The following ZFHX4 variants were observed in gnomAD, a reference collection of about 807,000 sequenced individuals.
The protein encoded by ZFHX4 is zinc finger homeobox 4, also known as zinc finger homeobox protein 4.
In ZFHX4, 56 loss-of-function variants were observed where a neutral mutation model predicts 267.6. The ratio of observed to expected loss-of-function variants is 0.21; its 90% confidence interval spans 0.17 to 0.26. The LOEUF (loss-of-function observed/expected upper bound fraction) is 0.26, where lower values mean the gene tolerates loss of function less well. Ranked by LOEUF, ZFHX4 falls within the 10% of genes least tolerant of loss-of-function variation. The probability of loss-of-function intolerance (pLI) is 1.00; values close to 1 mark genes in which losing one functional copy is unlikely to be tolerated. For synonymous variants in ZFHX4, 1,778 were observed against 1,665.6 expected, an observed-to-expected ratio of 1.07 and a Z score of -1.64; for missense variants, 4,332 against 4,420.0, an observed-to-expected ratio of 0.98 and a Z score of 0.56.
chr8:76,714,135 A>G (rs1284202985), intron 3 of ZFHX4, among the ~76,000 whole-genome samples: 1 of 152,194 alleles, frequency 6.6e-6, no homozygotes, highest in Non-Finnish European at 1.5e-5. Flanking sequence ...TCATTTAGGT[A>G]ATGCAGACAA....
intron 6 of ZFHX4, among the ~76,000 whole-genome samples, chr8:76,846,985 T>C (rs902587426): frequency 2.6e-5 from 4 of 152,156 alleles, no homozygotes; most frequent in African/African-American, 9.7e-5. Flanking sequence ...TAAGGGGATA[T>C]GACAGAGTAT....
chr8:76,833,547 G>T, intron 5 of ZFHX4, 141 bp downstream of exon 5: 1 of 611,368 alleles, frequency 1.6e-6, no homozygotes, highest in Non-Finnish European at 2.8e-6. Flanking sequence ...TAAGTAAAAA[G>T]CAAAATGAAA....
intron 3 of ZFHX4, among the ~76,000 whole-genome samples, chr8:76,725,218 T>C (rs1415361451): frequency 1.3e-5 from 2 of 152,056 alleles, no homozygotes; most frequent in East Asian, 3.9e-4. Flanking sequence ...CAAATAAATA[T>C]GGTACACAAT....
chr8:76,763,684 AT>A (rs1809976894), intron 3 of ZFHX4, among the ~76,000 whole-genome samples: 1 of 152,198 alleles, frequency 6.6e-6, no homozygotes, highest in Admixed American at 6.5e-5. Flanking sequence ...ATGGTTGTAA[AT>A]AAGCCTTTTT....
intron 5 of ZFHX4, among the ~76,000 whole-genome samples, chr8:76,837,510 A>G (rs767610441): frequency 1.3e-5 from 2 of 151,674 alleles, no homozygotes; most frequent in Non-Finnish European, 2.9e-5. Context: ...AAAAAAAACC[A>G]AAGCCAGACT....
chr8:76,743,688 A>G (rs1809381333), intron 3 of ZFHX4, among the ~76,000 whole-genome samples: 1 of 152,214 alleles, frequency 6.6e-6, no homozygotes, highest in South Asian at 2.1e-4. Flanking sequence ...TTCAGCAGTC[A>G]TTAGAAAGAT....
chr8:76,697,508 T>C (rs994977492), intron 1 of ZFHX4, among the ~76,000 whole-genome samples: 3 of 152,032 alleles, frequency 2.0e-5, no homozygotes, highest in Non-Finnish European at 4.4e-5. Context: ...CAATATAACA[T>C]ATGAAAAACA....
chr8:76,714,477 T>C (rs1356738039), intron 3 of ZFHX4, among the ~76,000 whole-genome samples: 1 of 152,126 alleles, frequency 6.6e-6, no homozygotes, highest in Non-Finnish European at 1.5e-5. Flanking sequence ...ATCAGCCTAT[T>C]CCAGGAGAGC....
At chr8:76,814,751 G>A (rs17437952) in intron 4 of ZFHX4, among the ~76,000 whole-genome samples, 5,757 of 152,144 alleles carry the variant, frequency 0.038, 116 homozygotes, top group Non-Finnish European at 0.043. Flanking sequence ...TGCCTGCGTG[G>A]ACAAACCTCC....
At chr8:76,701,211 A>C (rs994160672) in intron 1 of ZFHX4, among the ~76,000 whole-genome samples, 1 of 152,134 alleles carries the variant, frequency 6.6e-6, no homozygotes, top group African/African-American at 2.4e-5. Flanking sequence ...ACAAAATAAA[A>C]ATTTTAAAAT....
rs537683381 is a variant in ZFHX4 at position 76,863,000 on chromosome 8, T to G, written c.9380-94T>G. On this transcript the variant is annotated intron_variant, in intron 10 of 10. Coordinates refer to ENST00000651372, the MANE Select transcript of ZFHX4 (RefSeq NM_024721.5). ...TAATACATCTTTTCTGATATAGCAA[T>G]GTCCTTAGTGAGTTCTATTTAGGTG... The G allele has an allele frequency of 8.4e-6, 12 of 1,422,052 alleles. No individual in the cohort carries two copies. The East Asian group carries it at 1.0e-4, about 12-fold the overall frequency. 88.1% of individuals were successfully genotyped at this position (1,422,052 alleles called of 1,614,324 possible).
In ZFHX4 at chr8:76,864,364, G is replaced by T; in HGVS notation, c.10650G>T (p.Leu3550Phe). The T allele has an allele frequency of 1.9e-6, 3 of 1,613,526 alleles. No homozygotes were observed. The highest frequency in any genetic ancestry group is 2.2e-5 in the South Asian group (2 of 91,072). ...SPPSSPPSLS[L>F]PSTVTSSLCS... Reference sequence around the variant, plus strand: ...CTTCTTCTCCTCCTTCCCTTTCCTTGCCTTCAACGGTTACCTCAAGTTTGT... The same window carrying T: ...CTTCTTCTCCTCCTTCCCTTTCCTTTCCTTCAACGGTTACCTCAAGTTTGT... The change falls in exon 11 of 11, where the codon TTG becomes TTT. Residue 3550 changes from leucine (L) to phenylalanine (F), a missense_variant. This residue lies in a region of ZFHX4 where 1,648 missense variants were observed against 1,625.0 expected (regional missense o/e 1.01). Coordinates refer to ENST00000651372, the MANE Select transcript of ZFHX4 (RefSeq NM_024721.5).
At chr8:76,724,154 T>C (rs112841375) in intron 3 of ZFHX4, among the ~76,000 whole-genome samples, 1 of 152,208 alleles carries the variant, frequency 6.6e-6, no homozygotes, top group Non-Finnish European at 1.5e-5. Context: ...TTGTAAGTTT[T>C]AAAACATCCT....
intron 4 of ZFHX4, among the ~76,000 whole-genome samples, chr8:76,813,156 T>C (rs1447119779): frequency 6.6e-6 from 1 of 152,154 alleles, no homozygotes; most frequent in Non-Finnish European, 1.5e-5. Flanking sequence ...AAGAAAATCT[T>C]GACTTTGGGA....
At chr8:76,715,496 A>G (rs1315188526) in intron 3 of ZFHX4, among the ~76,000 whole-genome samples, 1 of 150,688 alleles carries the variant, frequency 6.6e-6, no homozygotes. Flanking sequence ...AAAAAAAAAA[A>G]AAAAAAAAAA....
rs113432144 is a variant in ZFHX4, at chr8:76,772,565, G to A, written c.3094-5643G>A. ...GACTCCCAGGAGTCATATTTTGACT[G>A]TATTTTGACTCCCAGGAAGGCAAGG... On this transcript the variant is annotated intron_variant, in intron 3 of 10. Transcript: ENST00000651372. 8.5e-3 allele frequency among the ~76,000 whole-genome samples: 1,288 copies of A among 152,126 alleles called. 21 individuals carry two copies. Among genetic ancestry groups the A allele is most frequent in the African/African-American group, 0.03 (1,227 of 41,490 alleles).
Position 76,855,216 on chromosome 8 carries a change from G to T in ZFHX4, c.8295G>T (p.Lys2765Asn), listed in dbSNP as rs781655468. The change falls in exon 10 of 11, where the codon AAG becomes AAT. Residue 2765 changes from lysine (K) to asparagine (N), a missense_variant. Around this residue, in one of 7 missense-constraint regions of ZFHX4, gnomAD observed 1,648 missense variants for 1,625.0 expected, o/e 1.01. Coordinates refer to ENST00000651372, the MANE Select transcript of ZFHX4 (RefSeq NM_024721.5). ...GTAAAACAGCAGAGCTGTCACCGAA[G>T]AATCTTTTAAGCCCTTCTTCTTTTA... ...PVSKTAELSP[K>N]NLLSPSSFKA... The T allele has an allele frequency of 5.6e-6, 9 of 1,612,592 alleles. No homozygotes were observed.
At chr8:76,738,266 G>C in intron 3 of ZFHX4, among the ~76,000 whole-genome samples, 1 of 152,104 alleles carries the variant, frequency 6.6e-6, no homozygotes, top group East Asian at 1.9e-4. Context: ...TGAATGTGTC[G>C]TCTGATGGTG....
At chr8:76,777,509 A>G (rs916379291) in intron 3 of ZFHX4, among the ~76,000 whole-genome samples, 4 of 152,230 alleles carry the variant, frequency 2.6e-5, no homozygotes, top group Middle Eastern at 3.2e-3. Flanking sequence ...TAATTAAGAG[A>G]AACATTTTTG....
Sources: allele counts gnomAD v4.1 joint callset (sites outside exome capture counted in the v4.1 genomes callset), GRCh38; gene constraint gnomAD v4.1.1; regional missense constraint gnomAD v4.1.1; transcripts MANE v1.5; gene names NCBI Gene and HGNC (gene_info 2026-07-23, HGNC 2026-07-21).